Variants in NBAS observed in about 807,000 individuals in gnomAD.
The protein encoded by NBAS is NBAS subunit of NRZ tethering complex.
Under a neutral mutation model 302.5 loss-of-function variants are expected in NBAS, and 219 were observed. The observed-to-expected ratio is 0.72, with a 90% CI of 0.65 to 0.81. The LOEUF (loss-of-function observed/expected upper bound fraction) is 0.81. NBAS is among the 30% of genes least tolerant of loss of function. The pLI, the probability that NBAS is intolerant of heterozygous loss-of-function variation, is 0.00. For missense variants in NBAS, 2,932 were observed against 2,841.6 expected, an observed-to-expected ratio of 1.03 and a Z score of -0.72; for synonymous variants, 1,118 against 1,021.6, an observed-to-expected ratio of 1.09 and a Z score of -1.80.
the NBAS span, among the ~76,000 whole-genome samples, chr2:15,132,218 A>T: frequency 1.5e-4 from 23 of 152,368 alleles, no homozygotes; most frequent in African/African-American, 5.5e-4. Flanking sequence ...AATGCGGTAC[A>T]TCCAGACAAT....
chr2:15,124,087 T>C, the NBAS span, among the ~76,000 whole-genome samples: 1 of 152,118 alleles, frequency 6.6e-6, no homozygotes, highest in Non-Finnish European at 1.5e-5. Flanking sequence ...CAGATAGAAA[T>C]GTGGAAGCTA....
At chr2:15,325,428 T>C (rs1672019744) in intron 38 of NBAS, among the ~76,000 whole-genome samples, 1 of 152,206 alleles carries the variant, frequency 6.6e-6, no homozygotes, top group Non-Finnish European at 1.5e-5. Flanking sequence ...AGTCCTAATC[T>C]TTTTGCAGGT....
chr2:15,364,700 C>T (rs1308598408), intron 32 of NBAS, among the ~76,000 whole-genome samples: 2 of 152,018 alleles, frequency 1.3e-5, no homozygotes, highest in African/African-American at 4.8e-5. Context: ...CCTATATCAG[C>T]CCCCAGCTAT....
At position 15,404,457 on chromosome 2, in the gene NBAS, T is replaced by C. The variant is rs377439862; in HGVS notation, c.2938-2156A>G. Among the ~76,000 whole-genome samples, 6 of 152,138 alleles carry C rather than the reference T, an allele frequency of 3.9e-5. No homozygotes were observed. In the East Asian group the frequency reaches 9.7e-4, roughly 24 times the overall value. ...AAAGTCCTTGATGTCTTACTTGTTCTCCCCACTTCCTATCTTTCCCTCTGT... is the reference window on the plus strand; with the variant it reads ...AAAGTCCTTGATGTCTTACTTGTTCCCCCCACTTCCTATCTTTCCCTCTGT... On this transcript the variant is annotated intron_variant, in intron 25 of 51. Transcript: ENST00000281513.
the NBAS span, among the ~76,000 whole-genome samples, chr2:14,956,859 T>A: frequency 6.6e-6 from 1 of 152,108 alleles, no homozygotes; most frequent in East Asian, 1.9e-4. Flanking sequence ...CCAAACCATA[T>A]CATGGGTTGA....
chr2:14,884,317 A>G, the NBAS span, among the ~76,000 whole-genome samples: 1 of 152,178 alleles, frequency 6.6e-6, no homozygotes, highest in Non-Finnish European at 1.5e-5. Context: ...CTGAGGTTGG[A>G]CCAACATTTC....
At chr2:15,422,736 A>AT (rs953445887) in intron 23 of NBAS, among the ~76,000 whole-genome samples, 1 of 152,150 alleles carries the variant, frequency 6.6e-6, no homozygotes, top group Non-Finnish European at 1.5e-5. Context: ...GACATGAGAA[A>AT]TTTTTTAATT....
intron 12 of NBAS, among the ~76,000 whole-genome samples, chr2:15,488,043 T>A (rs1004702483): frequency 2.0e-5 from 3 of 152,150 alleles, no homozygotes; most frequent in African/African-American, 7.2e-5. Flanking sequence ...TGAGAAAAAT[T>A]CCTTATCAAT....
the NBAS span, among the ~76,000 whole-genome samples, chr2:14,824,123 C>T: frequency 1.2e-3 from 183 of 152,334 alleles, 2 homozygotes; most frequent in East Asian, 0.03. Context: ...GTCCCCACCC[C>T]TCAGGTGATC....
intron 38 of NBAS, among the ~76,000 whole-genome samples, chr2:15,318,796 A>C (rs543152409): frequency 6.6e-6 from 1 of 152,286 alleles, no homozygotes; most frequent in East Asian, 1.9e-4. Flanking sequence ...ACACACTAAT[A>C]ATGGGAGACG....
chr2:14,887,874 C>G, the NBAS span, among the ~76,000 whole-genome samples: 1 of 152,172 alleles, frequency 6.6e-6, no homozygotes, highest in Admixed American at 6.5e-5. Flanking sequence ...TAATGTATGA[C>G]TGAAAGGTAT....
intron 26 of NBAS, among the ~76,000 whole-genome samples, chr2:15,398,773 C>T (rs1176523592): frequency 6.6e-6 from 1 of 151,814 alleles, no homozygotes; most frequent in African/African-American, 2.4e-5. Flanking sequence ...TATTTTGAGC[C>T]CTATATTTTA....
the NBAS span, among the ~76,000 whole-genome samples, chr2:15,159,344 G>A: frequency 6.6e-6 from 1 of 152,174 alleles, no homozygotes; most frequent in African/African-American, 2.4e-5. Flanking sequence ...CCATGTTTGG[G>A]ATAGATGAAG....
the NBAS span, among the ~76,000 whole-genome samples, chr2:14,892,668 CTCTT>C: frequency 6.7e-6 from 1 of 148,584 alleles, no homozygotes; most frequent in Non-Finnish European, 1.5e-5. Context: ...AATCAATATG[CTCTT>C]TTTTTTTTTC....
chr2:15,126,909 C>A, the NBAS span, among the ~76,000 whole-genome samples: 1 of 152,130 alleles, frequency 6.6e-6, no homozygotes, highest in Admixed American at 6.5e-5. Context: ...AATAGAGGTA[C>A]CTTCTTCACC....
intron 44 of NBAS, among the ~76,000 whole-genome samples, chr2:15,274,595 G>C (rs1169372097): frequency 1.3e-5 from 2 of 152,048 alleles, no homozygotes; most frequent in African/African-American, 2.4e-5. Context: ...AGGGGAGGAG[G>C]AGAACCCACA....
At chr2:15,238,324 G>A in intron 45 of NBAS, 144 bp downstream of exon 45, 1 of 769,878 alleles carries the variant, frequency 1.3e-6, no homozygotes, top group Admixed American at 2.4e-5. Context: ...ATCATGAAGA[G>A]GTTAACCAAT....
chr2:15,238,606 T>C lies in NBAS; in HGVS notation c.5805A>G (p.Arg1935=), dbSNP rs754126585. Residue 1935 remains arginine, a synonymous_variant, in exon 45 of 52, where the codon AGA becomes AGG. Coordinates refer to ENST00000281513, the MANE Select transcript of NBAS (RefSeq NM_015909.4). ...CTTCTTGAGCTTCGTCTTCTGAGTT[T>C]CTTTTCCTTGGCTTCTCAATAAAAT... The part of the protein sequence containing the change: ...VKHFIEKPRK[R]NSEDEAQEAK... 5 of 1,613,550 alleles carry C rather than the reference T, an allele frequency of 3.1e-6. No individual in the cohort carries two copies. The highest frequency in any genetic ancestry group is 4.2e-6 in the Non-Finnish European group (5 of 1,179,948).
chr2:15,544,359 A>AGGG (rs1664001387), intron 6 of NBAS, among the ~76,000 whole-genome samples: 1 of 151,470 alleles, frequency 6.6e-6, no homozygotes, highest in Non-Finnish European at 1.5e-5. Context: ...ACAAATGGTG[A>AGGG]AGGGAGGGAG....
Sources: allele counts gnomAD v4.1 joint callset (sites outside exome capture counted in the v4.1 genomes callset), GRCh38; gene constraint gnomAD v4.1.1; transcripts MANE v1.5; gene names NCBI Gene and HGNC (gene_info 2026-07-23, HGNC 2026-07-21).